MDGA2: variants seen among roughly 807,000 people sequenced by gnomAD.
The protein encoded by MDGA2 is MAM domain containing glycosylphosphatidylinositol anchor 2, also known as MAM domain-containing glycosylphosphatidylinositol anchor protein 2.
A neutral mutation model predicts 117.8 loss-of-function variants in MDGA2; 40 were observed. The ratio of observed to expected loss-of-function variants is 0.34; its 90% CI spans 0.26 to 0.44. The LOEUF (loss-of-function observed/expected upper bound fraction) is 0.44. Ranked by LOEUF, MDGA2 falls within the 20% of genes least tolerant of loss-of-function variation. The pLI is 1.00. For missense variants in MDGA2, 1,123 were observed against 1,250.6 expected (o/e 0.90, Z 1.54); for synonymous variants, 452 against 439.0 (o/e 1.03, Z -0.37).
At chr14:47,016,967 T>A (rs1270086405) in intron 8 of MDGA2, among the ~76,000 whole-genome samples, 1 of 151,944 alleles carries the variant, frequency 6.6e-6, no homozygotes, top group African/African-American at 2.4e-5. Flanking sequence ...TCTATCTTAT[T>A]TTCTGTTTTG....
At chr14:46,858,428 C>CTTTTTTTTTTTTTTTT (rs71112466) in intron 14 of MDGA2, among the ~76,000 whole-genome samples, 1 of 123,834 alleles carries the variant, frequency 8.1e-6, no homozygotes, top group Non-Finnish European at 1.6e-5. Context: ...TTCTTTTTTT[C>CTTTTTTTTTTTTTTTT]TTTTTTTTTT....
intron 1 of MDGA2, among the ~76,000 whole-genome samples, chr14:47,536,825 G>A (rs897207039): frequency 6.6e-6 from 1 of 152,066 alleles, no homozygotes; most frequent in Non-Finnish European, 1.5e-5. Flanking sequence ...ACAGGAAATG[G>A]GTTAAATAAC....
chr14:47,481,034 C>T (rs916264829), intron 1 of MDGA2, among the ~76,000 whole-genome samples: 42 of 151,862 alleles, frequency 2.8e-4, no homozygotes, highest in African/African-American at 9.9e-4. Flanking sequence ...TAAGAACAGG[C>T]TAACACTTAA....
intron 8 of MDGA2, among the ~76,000 whole-genome samples, chr14:46,980,510 G>A (rs188503548): frequency 6.6e-6 from 1 of 152,282 alleles, no homozygotes; most frequent in African/African-American, 2.4e-5. Context: ...CAGTGGCAGG[G>A]TTTGAGAGGA....
chr14:47,020,449 T>C (rs962642151), intron 8 of MDGA2, among the ~76,000 whole-genome samples: 1 of 152,222 alleles, frequency 6.6e-6, no homozygotes, highest in Admixed American at 6.5e-5. Context: ...TGTAGAATTC[T>C]AGAGAAAACC....
intron 1 of MDGA2, among the ~76,000 whole-genome samples, chr14:47,516,486 C>T (rs1051495461): frequency 6.6e-6 from 1 of 152,128 alleles, no homozygotes; most frequent in African/African-American, 2.4e-5. Flanking sequence ...GATTAATAGA[C>T]TTGAATATAT....
At chr14:46,921,890 GGT>G (rs745792865) in intron 9 of MDGA2, among the ~76,000 whole-genome samples, 24 of 152,194 alleles carry the variant, frequency 1.6e-4, no homozygotes, top group Admixed American at 5.9e-4. Flanking sequence ...ATTACAGAGT[GGT>G]ATCTAGATTG....
intron 1 of MDGA2, among the ~76,000 whole-genome samples, chr14:47,348,122 T>G (rs1890797393): frequency 6.6e-6 from 1 of 151,244 alleles, no homozygotes; most frequent in African/African-American, 2.4e-5. Flanking sequence ...TTGAAGAAAA[T>G]AATTGTATTG....
chr14:47,090,282 C>A lies in MDGA2; in HGVS notation c.1195+6572G>T, dbSNP rs540832443. Among the ~76,000 whole-genome samples, 11 of 152,062 alleles carry A rather than the reference C, an allele frequency of 7.2e-5. No individual in the cohort carries two copies. In the South Asian group the frequency reaches 1.9e-3, roughly 26 times the overall value. On this transcript the variant is annotated intron_variant, in intron 6 of 16. Coordinates refer to ENST00000399232, the MANE Select transcript of MDGA2 (RefSeq NM_001113498.3). ...TGCAGTTATGAAAGTGAAATTCATG[C>A]CTCATTGAATACATATTGACTTCTT...
At chr14:46,957,249 T>C (rs1343284595) in intron 9 of MDGA2, 125 bp downstream of exon 9, 1 of 899,708 alleles carries the variant, frequency 1.1e-6, no homozygotes, top group Non-Finnish European at 1.6e-6. Flanking sequence ...AACTCTAACT[T>C]GAGGAGTCAA....
At chr14:46,950,747 GTTGC>G (rs893850431) in intron 9 of MDGA2, among the ~76,000 whole-genome samples, 1 of 151,726 alleles carries the variant, frequency 6.6e-6, no homozygotes, top group African/African-American at 2.4e-5. Flanking sequence ...ACAATATTAT[GTTGC>G]TTGTTTTTAG....
At chr14:47,313,746 A>C (rs892314439) in intron 1 of MDGA2, among the ~76,000 whole-genome samples, 1 of 152,172 alleles carries the variant, frequency 6.6e-6, no homozygotes, top group African/African-American at 2.4e-5. Flanking sequence ...GGTTACCCTA[A>C]AGCTGGAGTA....
At chr14:47,507,380 C>T (rs1237177360) in intron 1 of MDGA2, among the ~76,000 whole-genome samples, 1 of 152,052 alleles carries the variant, frequency 6.6e-6, no homozygotes, top group Non-Finnish European at 1.5e-5. Flanking sequence ...ACCAGGAGAG[C>T]AGGACTGACA....
intron 1 of MDGA2, among the ~76,000 whole-genome samples, chr14:47,313,458 T>C (rs181241242): frequency 7.2e-5 from 11 of 151,856 alleles, no homozygotes; most frequent in Admixed American, 3.3e-4. Flanking sequence ...TCCTCTTTTG[T>C]TTTGTTTTGT....
At chr14:46,863,985 T>C (rs1228631664) in intron 14 of MDGA2, among the ~76,000 whole-genome samples, 1 of 152,100 alleles carries the variant, frequency 6.6e-6, no homozygotes, top group Non-Finnish European at 1.5e-5. Flanking sequence ...TACATATGTA[T>C]ACATGTGCCA....
intron 10 of MDGA2, among the ~76,000 whole-genome samples, chr14:46,915,473 C>T (rs1883863582): frequency 6.6e-6 from 1 of 152,056 alleles, no homozygotes; most frequent in South Asian, 2.1e-4. Flanking sequence ...AACAGAGGGG[C>T]TAATCTAATG....
chr14:47,290,158 C>T (rs1888830970), intron 2 of MDGA2, among the ~76,000 whole-genome samples: 1 of 151,958 alleles, frequency 6.6e-6, no homozygotes, highest in Admixed American at 6.6e-5. Context: ...TGTCCCTCCC[C>T]AGAATTCATT....
rs199993629 is a variant in MDGA2 at position 47,045,518 on chromosome 14, C to CT, written c.1526-10215dup. ...TATATAAAGTCTCACATGTGGAAAACTTTTTTTTTCTGAAACAACTAAGTA... is the reference window on the plus strand; with the variant it reads ...TATATAAAGTCTCACATGTGGAAAACTTTTTTTTTTCTGAAACAACTAAGTA... On this transcript the variant is annotated intron_variant, in intron 7 of 16. Transcript: ENST00000399232. Among the ~76,000 whole-genome samples the CT allele has an allele frequency of 1.0e-3, 157 of 151,228 alleles. 2 individuals are homozygous for CT. Among genetic ancestry groups the CT allele is most frequent in the African/African-American group, 3.6e-3 (147 of 41,196 alleles).
At chr14:47,554,666 C>T (rs1895650521) in intron 1 of MDGA2, among the ~76,000 whole-genome samples, 1 of 152,100 alleles carries the variant, frequency 6.6e-6, no homozygotes, top group African/African-American at 2.4e-5. Flanking sequence ...AAATAGTTTT[C>T]CATTTCACCT....
Sources: gnomAD v4.1 joint callset for allele counts (sites outside exome capture counted in the v4.1 genomes callset) on GRCh38, gnomAD v4.1.1 for gene constraint, MANE v1.5 for transcripts, NCBI Gene and HGNC (gene_info 2026-07-23, HGNC 2026-07-21) for gene names.